ANKRD33B: variants seen among roughly 807,000 people sequenced by gnomAD.
ANKRD33B encodes the protein ankyrin repeat domain 33B.
A neutral mutation model predicts 21.5 loss-of-function variants in ANKRD33B; 6 were observed. The ratio of observed to expected loss-of-function variants is 0.28; its 90% CI spans 0.15 to 0.55. ANKRD33B has a LOEUF of 0.55. ANKRD33B is among the 20% of genes least tolerant of loss of function. The pLI, the probability that ANKRD33B is intolerant of heterozygous loss-of-function variation, is 0.94. For synonymous variants in ANKRD33B, 347 were observed against 342.4 expected (o/e 1.01, Z -0.15); for missense variants, 698 against 747.2 (o/e 0.93, Z 0.77).
intron 1 of ANKRD33B, among the ~76,000 whole-genome samples, chr5:10,591,210 T>TTTTTTTTTG (rs1735681053): frequency 1.4e-5 from 2 of 139,324 alleles, no homozygotes; most frequent in African/African-American, 2.7e-5. Flanking sequence ...TTTTTTTTTT[T>TTTTTTTTTG]GAGATGGAGT....
intron 2 of ANKRD33B, among the ~76,000 whole-genome samples, chr5:10,623,648 G>T (rs1356429083): frequency 6.6e-6 from 1 of 152,238 alleles, no homozygotes; most frequent in Non-Finnish European, 1.5e-5. Flanking sequence ...TAGGAGGGAA[G>T]ATTCCTGTGT....
rs1736373164 is a variant in ANKRD33B at position 10,619,723 on chromosome 5, G to T, written c.496+1261G>T. 1.3e-5 allele frequency among the ~76,000 whole-genome samples: 2 copies of T among 152,192 alleles called. No individual in the cohort carries two copies. Among genetic ancestry groups the T allele is most frequent in the African/African-American group, 4.8e-5 (2 of 41,438 alleles). On this transcript the variant is annotated intron_variant, in intron 2 of 3. Transcript: ENST00000296657. The surrounding 1 kb of genome is among the most constrained non-coding windows in gnomAD (Gnocchi z 4.5). ...GAAAACCTAGCAAGAGTGTGAAAGG[G>T]CTTTGTAAGGCATTCAGTGATTCGT... is the stretch of plus-strand genomic sequence containing the variant.
chr5:10,616,771 A>T (rs931555593), intron 1 of ANKRD33B, among the ~76,000 whole-genome samples: 5 of 147,530 alleles, frequency 3.4e-5, no homozygotes, highest in African/African-American at 1.3e-4. Flanking sequence ...CTCACACCTG[A>T]GTCTACGCTG....
intron 2 of ANKRD33B, 114 bp downstream of exon 2, chr5:10,618,576 T>G: frequency 7.3e-7 from 1 of 1,373,376 alleles, no homozygotes; most frequent in Non-Finnish European, 9.6e-7. Flanking sequence ...GACCATGTCC[T>G]GCTACCAAGG....
At chr5:10,589,641 A>G (rs965504113) in intron 1 of ANKRD33B, among the ~76,000 whole-genome samples, 1 of 152,218 alleles carries the variant, frequency 6.6e-6, no homozygotes, top group South Asian at 2.1e-4. Flanking sequence ...TTCCTTTGTC[A>G]ATTTTTTGAT....
At chr5:10,617,782 T>C (rs969738321) in intron 1 of ANKRD33B, among the ~76,000 whole-genome samples, 1 of 152,190 alleles carries the variant, frequency 6.6e-6, no homozygotes, top group Non-Finnish European at 1.5e-5. Context: ...TGCCGGCCAA[T>C]GGGCTGCTCC....
At chr5:10,639,009 C>CGGAGTTGTGTGGTAATGTTAGCG (rs1736950364) in intron 3 of ANKRD33B, among the ~76,000 whole-genome samples, 2 of 10,558 alleles carry the variant, frequency 1.9e-4, no homozygotes, top group Non-Finnish European at 3.4e-4. Flanking sequence ...CGATGTTAGG[C>CGGAGTTGTGTGGTAATGTTAGCG]GGTGACGCGG....
In ANKRD33B at chr5:10,656,887, G is replaced by A. The variant is rs139522776; in HGVS notation, c.*6774G>A. Reference sequence around the variant, plus strand: ...CTGGTATTTCCCCAAGTCTGCCTATGTATTAGACACTCTAATCAATGCTAA... The same window carrying A: ...CTGGTATTTCCCCAAGTCTGCCTATATATTAGACACTCTAATCAATGCTAA... On this transcript the variant is annotated 3_prime_UTR_variant, in exon 4 of 4. Coordinates refer to ENST00000296657, the MANE Select transcript of ANKRD33B (RefSeq NM_001164440.2). 1,729 of 152,202 alleles carry A rather than the reference G, an allele frequency of 0.011. 16 individuals are homozygous for A. Among genetic ancestry groups the A allele is most frequent in the Non-Finnish European group, 0.017 (1,160 of 68,006 alleles). 9.4% of individuals were successfully genotyped at this position (152,202 alleles called of 1,614,324 possible).
intron 3 of ANKRD33B, among the ~76,000 whole-genome samples, chr5:10,641,440 G>A (rs1174317406): frequency 6.6e-6 from 1 of 151,924 alleles, no homozygotes; most frequent in African/African-American, 2.4e-5. Context: ...TGTTGGCCAG[G>A]TTGGTCTTGA....
intron 3 of ANKRD33B, among the ~76,000 whole-genome samples, chr5:10,641,222 CTTCTTTT>C (rs1443177798): frequency 2.9e-3 from 337 of 117,094 alleles, no homozygotes; most frequent in Non-Finnish European, 4.8e-3. Flanking sequence ...TCTTCTTCTT[CTTCTTTT>C]TTTTTTTTTT....
At chr5:10,636,622 T>C (rs111747978) in intron 2 of ANKRD33B, among the ~76,000 whole-genome samples, 6 of 152,018 alleles carry the variant, frequency 3.9e-5, no homozygotes, top group African/African-American at 1.4e-4. Flanking sequence ...ATCTCTTAAA[T>C]AAACAAAAAG....
chr5:10,564,309 T>G lies in ANKRD33B; in HGVS notation c.-159T>G. 2.3e-5 allele frequency: 9 copies of G among 395,986 alleles called. No individual in the cohort carries two copies. Among genetic ancestry groups the G allele is most frequent in the South Asian group, 1.1e-4 (1 of 9,514 alleles). The allele number at this position is 395,986 out of a possible 1,614,324, so 24.5% of individuals were successfully genotyped here. A position where few individuals can be genotyped will look rare whatever the true frequency, so the allele number is the denominator to read the frequency against. On this transcript the variant is annotated 5_prime_UTR_variant, in exon 1 of 4. Transcript: ENST00000296657. Reference sequence around the variant, plus strand: ...CTCAGCCTCCGGAGACTTTTTTCTTTGAGCGCAGCCGCCTGGTGCCGGTTT... The same window carrying G: ...CTCAGCCTCCGGAGACTTTTTTCTTGGAGCGCAGCCGCCTGGTGCCGGTTT...
At chr5:10,624,725 G>C (rs1736504899) in intron 2 of ANKRD33B, 1 of 456,142 alleles carries the variant, frequency 2.2e-6, no homozygotes, top group Non-Finnish European at 4.4e-6. Context: ...GAACCTCCAG[G>C]GGCTGCCCCT....
At chr5:10,622,138 G>A (rs930170583) in intron 2 of ANKRD33B, among the ~76,000 whole-genome samples, 2 of 152,206 alleles carry the variant, frequency 1.3e-5, no homozygotes, top group Non-Finnish European at 2.9e-5. Context: ...CAGATACAAT[G>A]CAATTGCCTT....
At chr5:10,642,580 A>G (rs1206125013) in intron 3 of ANKRD33B, among the ~76,000 whole-genome samples, 1 of 152,186 alleles carries the variant, frequency 6.6e-6, no homozygotes. Flanking sequence ...TTCCTCTTCT[A>G]TAAAATGAGG....
intron 2 of ANKRD33B, among the ~76,000 whole-genome samples, chr5:10,629,489 G>A (rs1287851045): frequency 6.6e-6 from 1 of 152,164 alleles, no homozygotes; most frequent in Non-Finnish European, 1.5e-5. Flanking sequence ...CACTGAATAA[G>A]GGATGTGGGA....
intron 1 of ANKRD33B, among the ~76,000 whole-genome samples, chr5:10,596,819 G>A (rs1735828259): frequency 6.6e-6 from 1 of 152,102 alleles, no homozygotes; most frequent in African/African-American, 2.4e-5. Flanking sequence ...TACCCACAAA[G>A]AGAATCCCGT....
At chr5:10,631,830 C>A (rs1028178167) in intron 2 of ANKRD33B, among the ~76,000 whole-genome samples, 1 of 152,220 alleles carries the variant, frequency 6.6e-6, no homozygotes, top group Non-Finnish European at 1.5e-5. Context: ...CCTCACTGCG[C>A]GTCCTCTGTG....
intron 1 of ANKRD33B, among the ~76,000 whole-genome samples, chr5:10,604,209 T>TC (rs1311318430): frequency 1.1e-4 from 15 of 138,630 alleles, no homozygotes; most frequent in East Asian, 8.4e-4. Flanking sequence ...TTTTTTTTTT[T>TC]CAGACAGAGT....
Sources: allele counts gnomAD v4.1 joint callset (sites outside exome capture counted in the v4.1 genomes callset), GRCh38; gene constraint gnomAD v4.1.1; non-coding constraint Gnocchi (gnomAD v3.1); transcripts MANE v1.5; gene names NCBI Gene and HGNC (gene_info 2026-07-23, HGNC 2026-07-21).